Variants in MPHOSPH9 observed in about 807,000 individuals in gnomAD.
The protein encoded by MPHOSPH9 is M-phase phosphoprotein 9.
Under a neutral mutation model 145.5 loss-of-function variants are expected in MPHOSPH9, and 88 were observed. The ratio of observed to expected loss-of-function variants is 0.60; its 90% CI spans 0.51 to 0.72. The LOEUF (loss-of-function observed/expected upper bound fraction) is 0.72, where lower values mean the gene tolerates loss of function less well. Among genes scored for constraint, MPHOSPH9 ranks in the 30% least tolerant of loss-of-function variants. The pLI, the probability that MPHOSPH9 is intolerant of heterozygous loss-of-function variation, is 0.00. For missense variants in MPHOSPH9, 1,238 were observed against 1,386.6 expected, an observed-to-expected ratio of 0.89 and a Z score of 1.70; for synonymous variants, 435 against 486.2, an observed-to-expected ratio of 0.89 and a Z score of 1.39.
At chr12:123,192,424 A>T (rs1460663708) in intron 13 of MPHOSPH9, among the ~76,000 whole-genome samples, 1 of 151,250 alleles carries the variant, frequency 6.6e-6, no homozygotes, top group Non-Finnish European at 1.5e-5. Flanking sequence ...ACTGCACTCC[A>T]GCGTGGGCAA....
At chr12:123,200,511 C>T (rs562043822) in intron 11 of MPHOSPH9, among the ~76,000 whole-genome samples, 17 of 152,132 alleles carry the variant, frequency 1.1e-4, no homozygotes, top group Non-Finnish European at 2.5e-4. Flanking sequence ...GCTCAAACAT[C>T]TTCTAGTCAT....
intron 16 of MPHOSPH9, among the ~76,000 whole-genome samples, chr12:123,170,317 G>C (rs1343440495): frequency 6.6e-6 from 1 of 151,886 alleles, no homozygotes; most frequent in Non-Finnish European, 1.5e-5. Context: ...TAATTTTTTT[G>C]TATTTTTAGT....
chr12:123,199,887 C>A (rs756925378), intron 11 of MPHOSPH9, among the ~76,000 whole-genome samples: 1 of 151,890 alleles, frequency 6.6e-6, no homozygotes, highest in Non-Finnish European at 1.5e-5. Context: ...GAAAGTCACA[C>A]AGATTGTAAG....
intron 14 of MPHOSPH9, 131 bp downstream of exon 14, chr12:123,181,032 G>A: frequency 1.2e-6 from 1 of 803,296 alleles, no homozygotes; most frequent in South Asian, 1.5e-5. Context: ...AACAGGATAA[G>A]CAAGGTTCCA....
At position 123,176,697 on chromosome 12, in the gene MPHOSPH9, G is replaced by A. The variant is rs748254431; in HGVS notation, c.2447C>T (p.Ser816Leu). Reference protein sequence around the residue: ...RHNSRIHVRPSRANTLATSDV... With the variant: ...RHNSRIHVRPLRANTLATSDV... ...AAATGAAATAACTTACTTGGCACGC[G>A]AGGGTCTCACGTGAATTCTAGAATT... Residue 816 changes from serine (S) to leucine (L), a missense_variant, in exon 16 of 24, where the codon TCG becomes TTG. Around this residue, in one of 3 missense-constraint regions of MPHOSPH9, gnomAD observed 393 missense variants for 462.5 expected, o/e 0.85. Transcript: ENST00000606320. 6.2e-6 allele frequency: 10 copies of A among 1,612,338 alleles called. No individual in the cohort carries two copies. Among genetic ancestry groups the A allele is most frequent in the South Asian group, 3.3e-5 (3 of 91,026 alleles).
intron 7 of MPHOSPH9, among the ~76,000 whole-genome samples, chr12:123,212,810 T>C (rs4372492): frequency 0.63 from 79,636 of 127,226 alleles, 29,073 homozygotes; most frequent in East Asian, 0.99. Context: ...GCAAAAGCGA[T>C]ATGCAGTCAG....
downstream of MPHOSPH9, chr12:123,153,034 T>C (rs1185376229): frequency 6.5e-6 from 1 of 154,014 alleles, no homozygotes; most frequent in Non-Finnish European, 1.4e-5. Flanking sequence ...GTGGCTTTTC[T>C]GGGCGAGAAG....
chr12:123,185,617 T>C (rs2045408583), intron 13 of MPHOSPH9, among the ~76,000 whole-genome samples: 1 of 152,012 alleles, frequency 6.6e-6, no homozygotes, highest in African/African-American at 2.4e-5. Flanking sequence ...TAGCCTGTAG[T>C]GTCTGTAGTC....
At chr12:123,209,888 C>T (rs1250317436) in intron 8 of MPHOSPH9, among the ~76,000 whole-genome samples, 168 bp downstream of exon 8, 1 of 151,912 alleles carries the variant, frequency 6.6e-6, no homozygotes, top group East Asian at 1.9e-4. Context: ...AGGCGCCCGC[C>T]ACCACGCCCA....
At chr12:123,201,179 C>A (rs932996093) in intron 11 of MPHOSPH9, among the ~76,000 whole-genome samples, 27 of 152,070 alleles carry the variant, frequency 1.8e-4, no homozygotes, top group African/African-American at 6.3e-4. Context: ...CCACAGCAAC[C>A]AAAACTACTT....
At chr12:123,235,487 C>T (rs1024247119), upstream of MPHOSPH9, among the ~76,000 whole-genome samples, 2 of 151,924 alleles carry the variant, frequency 1.3e-5, no homozygotes, top group African/African-American at 4.8e-5. Context: ...GCCTTAGCCT[C>T]CCTAGTAGCT....
intron 12 of MPHOSPH9, among the ~76,000 whole-genome samples, chr12:123,194,847 C>T (rs1447986022): frequency 6.6e-6 from 1 of 151,870 alleles, no homozygotes; most frequent in East Asian, 1.9e-4. Context: ...GTCTCAAACT[C>T]CTGACCTCAA....
At chr12:123,210,207 C>T in intron 7 of MPHOSPH9, 45 bp from the exon 8 acceptor site, 2 of 1,130,274 alleles carry the variant, frequency 1.8e-6, no homozygotes, top group Non-Finnish European at 2.5e-6. Flanking sequence ...GAGAAAAAAA[C>T]AAAAATGCTT....
Position 123,164,056 on chromosome 12 carries a change from T to C in MPHOSPH9, c.2802A>G (p.Ala934=). 1 of 1,614,180 alleles carries C rather than the reference T, an allele frequency of 6.2e-7. No homozygotes were observed. The highest frequency in any genetic ancestry group is 8.5e-7 in the Non-Finnish European group (1 of 1,180,030). The change falls in exon 19 of 24, where the codon GCA becomes GCG. Residue 934 remains alanine, a synonymous_variant. Transcript: ENST00000606320. ...GGGCACACTTTTCTGGAGAACGACT[T>C]GCATTAACTGAAGTTTCAGTTTGCC... The part of the protein sequence containing the change: ...NPRQTETSVN[A]SRSPEKCAQQ...
intron 13 of MPHOSPH9, among the ~76,000 whole-genome samples, chr12:123,182,729 T>C (rs1330150739): frequency 4.0e-5 from 6 of 149,880 alleles, no homozygotes; most frequent in Non-Finnish European, 5.9e-5. Flanking sequence ...CTGGCCAACA[T>C]AGCGAAACCT....
At chr12:123,212,863 CTTT>C (rs1321106569) in intron 7 of MPHOSPH9, among the ~76,000 whole-genome samples, 2 of 106,594 alleles carry the variant, frequency 1.9e-5, no homozygotes, top group Non-Finnish European at 3.8e-5. Context: ...TTCTGTTATT[CTTT>C]TTTTTTTTTT....
downstream of MPHOSPH9, among the ~76,000 whole-genome samples, chr12:123,153,890 AAGG>A (rs928097205): frequency 5.3e-5 from 8 of 150,120 alleles, no homozygotes; most frequent in African/African-American, 1.7e-4. Context: ...CCCTTAATGA[AAGG>A]AGTTTTCTTA....
intron 6 of MPHOSPH9, among the ~76,000 whole-genome samples, chr12:123,215,691 G>A (rs1370575824): frequency 2.0e-5 from 3 of 152,000 alleles, no homozygotes; most frequent in Admixed American, 1.3e-4. Flanking sequence ...TGACACTGTC[G>A]CAAGAAATGT....
In MPHOSPH9 at chr12:123,194,569, G is replaced by A. The variant is rs2138257182; in HGVS notation, c.2058C>T (p.Ser686=). 8 of 1,610,982 alleles carry A rather than the reference G, an allele frequency of 5.0e-6. No homozygotes were observed. The highest frequency in any genetic ancestry group is 6.8e-6 in the Non-Finnish European group (8 of 1,179,550). The change falls in exon 13 of 24, where the codon AGC becomes AGT. Residue 686 remains serine (S), a synonymous_variant. Transcript: ENST00000606320. ...GTTCCTGCAAAATTTTGGAAGCACT[G>A]CTGGCTGCACTGAAGCGTTCTCTCA... ...NDLRERFSAA[S]SASKILQERI...
Sources: allele counts gnomAD v4.1 joint callset (sites outside exome capture counted in the v4.1 genomes callset), GRCh38; gene constraint gnomAD v4.1.1; regional missense constraint gnomAD v4.1.1; transcripts MANE v1.5; gene names NCBI Gene and HGNC (gene_info 2026-07-23, HGNC 2026-07-21).